The following MAF variants were observed in gnomAD, a reference collection of about 807,000 sequenced individuals.
The protein encoded by MAF is MAF bZIP transcription factor.
Under a neutral mutation model 22.0 loss-of-function variants are expected in MAF, and 10 were observed. The ratio of observed to expected loss-of-function variants is 0.45; its 90% CI spans 0.28 to 0.77. MAF has a LOEUF of 0.77. MAF is among the 30% of genes least tolerant of loss of function. MAF has a pLI of 0.12. For missense variants in MAF, 544 were observed against 548.4 expected, an observed-to-expected ratio of 0.99 and a Z score of 0.08; for synonymous variants, 337 against 255.8, an observed-to-expected ratio of 1.32 and a Z score of -3.03.
the MAF span, among the ~76,000 whole-genome samples, chr16:79,225,385 A>G: frequency 1.3e-5 from 2 of 152,116 alleles, no homozygotes; most frequent in Non-Finnish European, 1.5e-5. Flanking sequence ...AGACCTAAAC[A>G]TAAGACCTAA....
At chr16:79,504,012 A>C in the MAF span, among the ~76,000 whole-genome samples, 1 of 152,330 alleles carries the variant, frequency 6.6e-6, no homozygotes, top group Non-Finnish European at 1.5e-5. Context: ...AAATATCCCC[A>C]AATTTCTCCC....
the MAF span, among the ~76,000 whole-genome samples, chr16:79,225,900 G>C: frequency 2.0e-5 from 3 of 152,174 alleles, no homozygotes; most frequent in African/African-American, 7.2e-5. Flanking sequence ...AGAGGATGTG[G>C]AGATATAGGA....
At chr16:79,455,366 A>C in the MAF span, among the ~76,000 whole-genome samples, 1 of 152,182 alleles carries the variant, frequency 6.6e-6, no homozygotes, top group African/African-American at 2.4e-5. Context: ...TTGTGCCATG[A>C]ATTATTAGGT....
chr16:79,445,042 TA>T, the MAF span, among the ~76,000 whole-genome samples: 2 of 152,088 alleles, frequency 1.3e-5, no homozygotes, highest in African/African-American at 2.4e-5. Context: ...TTTATTTATT[TA>T]TTTTTTTTGA....
At chr16:79,381,255 G>A in the MAF span, among the ~76,000 whole-genome samples, 4 of 152,262 alleles carry the variant, frequency 2.6e-5, no homozygotes, top group South Asian at 8.3e-4. Flanking sequence ...TCCTGTAAAG[G>A]GTTTAGACTA....
the MAF span, among the ~76,000 whole-genome samples, chr16:79,287,009 G>A: frequency 1.3e-5 from 2 of 152,174 alleles, no homozygotes; most frequent in Non-Finnish European, 2.9e-5. Context: ...CCAGAAGTGA[G>A]CGTCCCCTTC....
At chr16:79,238,074 T>C in the MAF span, among the ~76,000 whole-genome samples, 1 of 152,120 alleles carries the variant, frequency 6.6e-6, no homozygotes, top group East Asian at 1.9e-4. Context: ...CATGCGGTTC[T>C]TTTTTTGTCA....
the MAF span, among the ~76,000 whole-genome samples, chr16:79,554,660 G>C: frequency 2.0e-5 from 3 of 152,114 alleles, no homozygotes; most frequent in Non-Finnish European, 4.4e-5. Context: ...CATGAGAAAA[G>C]ACAATCCCTG....
chr16:79,497,756 A>G, the MAF span, among the ~76,000 whole-genome samples: 35 of 152,358 alleles, frequency 2.3e-4, no homozygotes, highest in African/African-American at 7.9e-4. Flanking sequence ...TAATGAAGTA[A>G]TTGGAAGAGA....
At chr16:79,495,224 G>T in the MAF span, among the ~76,000 whole-genome samples, 6 of 152,202 alleles carry the variant, frequency 3.9e-5, no homozygotes, top group Admixed American at 1.3e-4. Context: ...CACTTTGGGA[G>T]GCCAAGGTGA....
chr16:79,223,171 G>A, the MAF span, among the ~76,000 whole-genome samples: 1 of 152,176 alleles, frequency 6.6e-6, no homozygotes, highest in African/African-American at 2.4e-5. Flanking sequence ...CAGTCTCTCA[G>A]ACCACAGTGC....
chr16:79,266,378 G>C, the MAF span, among the ~76,000 whole-genome samples: 4 of 152,162 alleles, frequency 2.6e-5, no homozygotes, highest in Non-Finnish European at 5.9e-5. Context: ...AATATACCTT[G>C]AATCCAAGCC....
At chr16:79,213,203 C>G in the MAF span, among the ~76,000 whole-genome samples, 1 of 152,284 alleles carries the variant, frequency 6.6e-6, no homozygotes, top group Non-Finnish European at 1.5e-5. Context: ...GGTGTGGAGG[C>G]TGGGTGTCAT....
At chr16:79,565,515 G>A in the MAF span, among the ~76,000 whole-genome samples, 6 of 152,124 alleles carry the variant, frequency 3.9e-5, no homozygotes, top group East Asian at 9.7e-4. Context: ...GTGGGGGGGG[G>A]GACCAGTTGG....
At chr16:79,442,370 T>C in the MAF span, among the ~76,000 whole-genome samples, 2 of 149,206 alleles carry the variant, frequency 1.3e-5, no homozygotes, top group Non-Finnish European at 3.0e-5. Context: ...TTTATTTATT[T>C]ATTTATTTAT....
the MAF span, among the ~76,000 whole-genome samples, chr16:79,457,898 T>C: frequency 6.6e-6 from 1 of 152,162 alleles, no homozygotes; most frequent in East Asian, 1.9e-4. Flanking sequence ...ATGACTCAGG[T>C]GTGCTCTAGA....
At chr16:79,356,661 C>G in the MAF span, among the ~76,000 whole-genome samples, 1 of 152,172 alleles carries the variant, frequency 6.6e-6, no homozygotes, top group African/African-American at 2.4e-5. Context: ...TTGCTGCTGC[C>G]TGAAACACTT....
chr16:79,594,455 A>C lies in MAF; in HGVS notation c.*5T>G. 6.4e-7 allele frequency: 1 copy of C among 1,555,192 alleles called. No individual in the cohort carries two copies. Among genetic ancestry groups the C allele is most frequent in the Non-Finnish European group, 8.7e-7 (1 of 1,148,060 alleles). Reference sequence around the variant, plus strand: ...TTTTTTTAATGTACAGCTCTCACACAAATTTCATTTTGTGAACACACTGGT... The same window carrying C: ...TTTTTTTAATGTACAGCTCTCACACCAATTTCATTTTGTGAACACACTGGT... On this transcript the variant is annotated 3_prime_UTR_variant, in exon 2 of 2. Transcript: ENST00000326043.
the MAF span, among the ~76,000 whole-genome samples, chr16:79,399,588 C>A: frequency 6.6e-6 from 1 of 152,088 alleles, no homozygotes; most frequent in Non-Finnish European, 1.5e-5. Flanking sequence ...AAATCAGGGG[C>A]TTGTCACTGA....
Sources: gnomAD v4.1 joint callset for allele counts (sites outside exome capture counted in the v4.1 genomes callset) on GRCh38, gnomAD v4.1.1 for gene constraint, MANE v1.5 for transcripts, NCBI Gene and HGNC (gene_info 2026-07-23, HGNC 2026-07-21) for gene names.